Variants in PBX1 observed in about 807,000 individuals in gnomAD.
The protein encoded by PBX1 is PBX homeobox 1.
In PBX1, 6 loss-of-function variants were observed where a neutral mutation model predicts 53.4. The ratio of observed to expected loss-of-function variants is 0.11; its 90% confidence interval spans 0.06 to 0.22. The LOEUF is 0.22. Ranked by LOEUF, PBX1 falls within the 10% of genes least tolerant of loss-of-function variation. The pLI is 1.00. For missense variants in PBX1, 251 were observed against 551.4 expected (o/e 0.46, Z 5.46); for synonymous variants, 204 against 212.3 (o/e 0.96, Z 0.34).
chr1:164,685,154 CTT>C (rs766351384), intron 2 of PBX1, among the ~76,000 whole-genome samples: 4 of 152,104 alleles, frequency 2.6e-5, no homozygotes, highest in Non-Finnish European at 4.4e-5. Context: ...CTAGTCCTGT[CTT>C]TTAGGAGATG....
At chr1:164,711,418 C>T (rs1441803445) in intron 2 of PBX1, among the ~76,000 whole-genome samples, 1 of 152,202 alleles carries the variant, frequency 6.6e-6, no homozygotes, top group East Asian at 1.9e-4. Context: ...CGCCCGCCAC[C>T]ATGCCCGGCT....
chr1:164,612,407 A>C (rs756055999), intron 2 of PBX1, among the ~76,000 whole-genome samples: 6 of 152,110 alleles, frequency 3.9e-5, no homozygotes, highest in Admixed American at 2.0e-4. Flanking sequence ...GGGGACTTCT[A>C]TGTGACCAAG....
At chr1:164,727,014 C>T (rs1664733506) in intron 2 of PBX1, among the ~76,000 whole-genome samples, 1 of 152,152 alleles carries the variant, frequency 6.6e-6, no homozygotes, top group Non-Finnish European at 1.5e-5. Flanking sequence ...TTTTTGATCA[C>T]TTCATTTTGG....
At chr1:164,702,845 A>G (rs1246995839) in intron 2 of PBX1, among the ~76,000 whole-genome samples, 3 of 151,218 alleles carry the variant, frequency 2.0e-5, no homozygotes, top group African/African-American at 7.3e-5. Context: ...GTGTATCTGC[A>G]TATGCCTATA....
At chr1:164,884,679 CA>C in intron 2 of PBX1, 1 of 332,688 alleles carries the variant, frequency 3.0e-6, no homozygotes, top group Non-Finnish European at 5.8e-6. Flanking sequence ...TTTGAAGAAG[CA>C]AAAGGATACC....
At chr1:164,733,869 T>A (rs1424240972) in intron 2 of PBX1, among the ~76,000 whole-genome samples, 1 of 152,242 alleles carries the variant, frequency 6.6e-6, no homozygotes, top group Non-Finnish European at 1.5e-5. Flanking sequence ...AGAAAACAAC[T>A]TTTATGCAAT....
At position 164,695,191 on chromosome 1, in the gene PBX1, G is replaced by A. The variant is rs1439306052; in HGVS notation, c.266-97303G>A. Among the ~76,000 whole-genome samples the A allele has an allele frequency of 3.3e-5, 5 of 152,080 alleles. No homozygotes were observed. The South Asian group carries it at 6.2e-4, about 19-fold the overall frequency. ...TTATCACCATATAAATGTCACTTTCGCTCACTTGAATTCCCATATGCTTTC... is the reference window on the plus strand; with the variant it reads ...TTATCACCATATAAATGTCACTTTCACTCACTTGAATTCCCATATGCTTTC... On this transcript the variant is annotated intron_variant, in intron 2 of 8. Transcript: ENST00000420696.
intron 8 of PBX1, among the ~76,000 whole-genome samples, chr1:164,835,429 T>C (rs1670990557): frequency 6.6e-6 from 1 of 152,164 alleles, no homozygotes; most frequent in Non-Finnish European, 1.5e-5. Flanking sequence ...CTTCTATTAA[T>C]TTATGGTTCT....
chr1:164,735,796 A>G (rs546151078), intron 2 of PBX1, among the ~76,000 whole-genome samples: 1 of 152,306 alleles, frequency 6.6e-6, no homozygotes, highest in South Asian at 2.1e-4. Context: ...GAGAAGATGT[A>G]TATCAGCAGT....
At chr1:164,608,935 A>C (rs1402183790) in intron 2 of PBX1, among the ~76,000 whole-genome samples, 1 of 152,222 alleles carries the variant, frequency 6.6e-6, no homozygotes, top group Non-Finnish European at 1.5e-5. Flanking sequence ...TAAGAATTCC[A>C]GGAATCTCTT....
intron 2 of PBX1, among the ~76,000 whole-genome samples, chr1:164,871,994 T>C (rs1259895090): frequency 6.6e-6 from 1 of 152,132 alleles, no homozygotes; most frequent in Non-Finnish European, 1.5e-5. Context: ...CAATAAATAT[T>C]GAAAGAAATA....
At chr1:164,615,261 G>A (rs1657197790) in intron 2 of PBX1, among the ~76,000 whole-genome samples, 1 of 152,108 alleles carries the variant, frequency 6.6e-6, no homozygotes, top group Non-Finnish European at 1.5e-5. Context: ...AACAATGTGT[G>A]GGTTACCCTG....
At chr1:164,563,431 C>T in intron 2 of PBX1, 120 bp downstream of exon 2, 1 of 544,054 alleles carries the variant, frequency 1.8e-6, no homozygotes, top group East Asian at 3.3e-5. Flanking sequence ...TGAAGGTTGA[C>T]CTCATATTCG....
chr1:164,560,580 A>G (rs947704156), intron 1 of PBX1: 3 of 171,090 alleles, frequency 1.8e-5, no homozygotes, highest in Non-Finnish European at 3.7e-5. Flanking sequence ...ACAAAACAAC[A>G]AAAAAGCAGG....
At chr1:164,734,682 A>G (rs1304713342) in intron 2 of PBX1, among the ~76,000 whole-genome samples, 1 of 152,218 alleles carries the variant, frequency 6.6e-6, no homozygotes, top group African/African-American at 2.4e-5. Context: ...ATACAGCATT[A>G]CAATGAGTAA....
chr1:164,633,444 G>A (rs748468032), intron 2 of PBX1, among the ~76,000 whole-genome samples: 19 of 152,180 alleles, frequency 1.2e-4, no homozygotes, highest in Non-Finnish European at 2.1e-4. Flanking sequence ...GCCACAGCAC[G>A]CAGCCCCTCT....
chr1:164,782,209 G>A (rs1317981686), intron 2 of PBX1, among the ~76,000 whole-genome samples: 1 of 152,214 alleles, frequency 6.6e-6, no homozygotes, highest in Admixed American at 6.5e-5. Context: ...GGGGATGGGG[G>A]AGCTGCAGAA....
chr1:164,836,349 C>CT (rs1445814114), intron 8 of PBX1, among the ~76,000 whole-genome samples: 2 of 152,154 alleles, frequency 1.3e-5, no homozygotes, highest in Non-Finnish European at 2.9e-5. Flanking sequence ...AAGGTTTCTA[C>CT]TGCAGAGATT....
chr1:164,659,813 G>A (rs1422603884), intron 2 of PBX1, among the ~76,000 whole-genome samples: 1 of 152,206 alleles, frequency 6.6e-6, no homozygotes, highest in Admixed American at 6.5e-5. Flanking sequence ...ATCGAGGGTG[G>A]TGGCAGTGGT....
Sources: allele counts gnomAD v4.1 joint callset (sites outside exome capture counted in the v4.1 genomes callset), GRCh38; gene constraint gnomAD v4.1.1; transcripts MANE v1.5; gene names NCBI Gene and HGNC (gene_info 2026-07-23, HGNC 2026-07-21).